Variants in ADARB2 observed in about 807,000 individuals in gnomAD.
ADARB2 encodes the protein inactive double-stranded RNA-specific editase B2.
In ADARB2, 25 loss-of-function variants were observed where a neutral mutation model predicts 62.2. That is an observed-to-expected ratio of 0.40 (90% CI 0.29 to 0.56). The LOEUF (loss-of-function observed/expected upper bound fraction) is 0.56, where lower values mean the gene tolerates loss of function less well. Among genes scored for constraint, ADARB2 ranks in the 20% least tolerant of loss-of-function variants. The probability of loss-of-function intolerance (pLI) is 0.43; values close to 1 mark genes in which losing one functional copy is unlikely to be tolerated. For missense variants in ADARB2, 1,071 were observed against 1,077.4 expected (o/e 0.99, Z 0.08); for synonymous variants, 572 against 500.8 (o/e 1.14, Z -1.90).
In ADARB2 at chr10:1,631,760, C is replaced by T. The variant is rs569463093; in HGVS notation, c.100+105291G>A. Among the ~76,000 whole-genome samples, 3 of 152,140 alleles carry T rather than the reference C, an allele frequency of 2.0e-5. No homozygotes were observed. In the East Asian group the frequency reaches 5.8e-4, roughly 29 times the overall value. ...ATCTAGGAAAATGTGGCTCGGTTCA[C>T]AGTTAGGAAGGAAAATATGTATTTT... On this transcript the variant is annotated intron_variant, in intron 1 of 9. Transcript: ENST00000381312.
At chr10:1,653,766 C>G (rs796086695) in intron 1 of ADARB2, among the ~76,000 whole-genome samples, 1 of 152,238 alleles carries the variant, frequency 6.6e-6, no homozygotes, top group Non-Finnish European at 1.5e-5. Flanking sequence ...GCCATGGACA[C>G]AGTAGACCCT....
rs12241203 is a variant in ADARB2 at position 1,254,959 on chromosome 10, G to A, written c.1193-12660C>T. On this transcript the variant is annotated intron_variant, in intron 4 of 9. Coordinates refer to ENST00000381312, the MANE Select transcript of ADARB2 (RefSeq NM_018702.4). ...TGACTCTGTCCAACTGTGTGAACAC[G>A]CTGTGAAAGCCAGGGTTTCTCAGCC... Among the ~76,000 whole-genome samples, 477 of 152,340 alleles carry A rather than the reference G, an allele frequency of 3.1e-3. 2 individuals are homozygous for A. The highest frequency in any genetic ancestry group is 9.7e-3 in the African/African-American group (405 of 41,586).
intron 1 of ADARB2, among the ~76,000 whole-genome samples, chr10:1,567,080 A>C (rs1832868532): frequency 1.3e-5 from 2 of 152,010 alleles, no homozygotes; most frequent in Non-Finnish European, 1.5e-5. Context: ...AAGTTTAGAG[A>C]GCGAAGGACG....
At chr10:1,594,775 G>A (rs912447898) in intron 1 of ADARB2, among the ~76,000 whole-genome samples, 4 of 152,222 alleles carry the variant, frequency 2.6e-5, no homozygotes, top group Admixed American at 2.0e-4. Context: ...TTCAGCCAGT[G>A]GCATGATATC....
chr10:1,317,702 C>G (rs1052977605), intron 3 of ADARB2, among the ~76,000 whole-genome samples: 1 of 148,722 alleles, frequency 6.7e-6, no homozygotes, highest in East Asian at 2.0e-4. Flanking sequence ...GCTCCGTGCC[C>G]CTGGGTCCCC....
chr10:1,699,455 C>T (rs868008124), intron 1 of ADARB2, among the ~76,000 whole-genome samples: 1 of 32,720 alleles, frequency 3.1e-5, no homozygotes. Context: ...CGCCAATACA[C>T]GCAATCCCAC....
At chr10:1,443,380 G>A (rs543412073) in intron 1 of ADARB2, among the ~76,000 whole-genome samples, 42 of 152,134 alleles carry the variant, frequency 2.8e-4, no homozygotes, top group Middle Eastern at 3.4e-3. Context: ...TTATGCAGGC[G>A]AATTAATTCT....
chr10:1,586,978 G>T (rs1833189030), intron 1 of ADARB2, among the ~76,000 whole-genome samples: 1 of 152,168 alleles, frequency 6.6e-6, no homozygotes, highest in African/African-American at 2.4e-5. Flanking sequence ...CATTGTGCAA[G>T]AATTTATTTC....
At chr10:1,383,257 A>T (rs760302471) in intron 1 of ADARB2, among the ~76,000 whole-genome samples, 1 of 152,034 alleles carries the variant, frequency 6.6e-6, no homozygotes, top group Non-Finnish European at 1.5e-5. Context: ...TCATATTACG[A>T]CCGTTTGGGA....
At position 1,180,843 on chromosome 10, in the gene ADARB2, C is replaced by T. The variant is rs17293692; in HGVS notation, c.*2350G>A. On this transcript the variant is annotated 3_prime_UTR_variant, in exon 10 of 10. Transcript: ENST00000381312. ...TAATACACGAATCCATACACTTGTA[C>T]TAATGGGTAGCATGGAATTAATGTG... The T allele has an allele frequency of 0.29, 43,421 of 152,176 alleles. 6,997 individuals are homozygous for T. Among genetic ancestry groups the T allele is most frequent in the South Asian group, 0.44 (2,133 of 4,816 alleles). 9.4% of individuals were successfully genotyped at this position (152,176 alleles called of 1,614,324 possible).
rs577727387 is a variant in ADARB2 at position 1,244,932 on chromosome 10, C to G, written c.1193-2633G>C. On this transcript the variant is annotated intron_variant, in intron 4 of 9. Coordinates refer to ENST00000381312, the MANE Select transcript of ADARB2 (RefSeq NM_018702.4). ...GTAGGAGATGTGTGTGGGAAAGTGGCGAAGCTTCAAAGGTGGGTGGAAATC... is the reference window on the plus strand; with the variant it reads ...GTAGGAGATGTGTGTGGGAAAGTGGGGAAGCTTCAAAGGTGGGTGGAAATC... 2.6e-5 allele frequency among the ~76,000 whole-genome samples: 4 copies of G among 152,260 alleles called. No homozygotes were observed. In the East Asian group the frequency reaches 7.7e-4, roughly 29 times the overall value.
rs1235013338 is a variant in ADARB2 at position 1,477,201 on chromosome 10, G to A, written c.101-98041C>T. 6.7e-6 allele frequency among the ~76,000 whole-genome samples: 1 copy of A among 150,302 alleles called. No individual in the cohort carries two copies. Among genetic ancestry groups the A allele is most frequent in the Non-Finnish European group, 1.5e-5 (1 of 67,998 alleles). Reference sequence around the variant, plus strand: ...CCATGGCTAACACCACTTCCTTACAGGAGAAGTGACTGCACTGATCAGAAG... The same window carrying A: ...CCATGGCTAACACCACTTCCTTACAAGAGAAGTGACTGCACTGATCAGAAG... On this transcript the variant is annotated intron_variant, in intron 1 of 9. Transcript: ENST00000381312. This position sits in a 1 kb window ranked among gnomAD's most constrained non-coding sequence, Gnocchi z 4.5.
intron 1 of ADARB2, among the ~76,000 whole-genome samples, chr10:1,417,847 G>C (rs752509866): frequency 2.0e-5 from 3 of 152,266 alleles, no homozygotes; most frequent in African/African-American, 7.2e-5. Flanking sequence ...AGCCATGTGC[G>C]TTGAGGCCAC....
chr10:1,486,498 T>A (rs1831544067), intron 1 of ADARB2, among the ~76,000 whole-genome samples: 1 of 152,320 alleles, frequency 6.6e-6, no homozygotes, highest in Admixed American at 6.5e-5. Context: ...ACTGGCTGTG[T>A]CTGGCCAGAG....
intron 3 of ADARB2, among the ~76,000 whole-genome samples, chr10:1,284,136 A>G (rs1413616579): frequency 2.0e-5 from 3 of 152,188 alleles, no homozygotes; most frequent in African/African-American, 7.2e-5. Flanking sequence ...AGGGTCAGAC[A>G]CGATTATACC....
intron 1 of ADARB2, among the ~76,000 whole-genome samples, chr10:1,490,899 G>T (rs997390773): frequency 6.6e-6 from 1 of 152,166 alleles, no homozygotes; most frequent in Non-Finnish European, 1.5e-5. Context: ...CAGCAGATAG[G>T]ATGCCATGTC....
At chr10:1,609,436 G>A (rs144119827) in intron 1 of ADARB2, among the ~76,000 whole-genome samples, 1,770 of 152,320 alleles carry the variant, frequency 0.012, 13 homozygotes, top group Middle Eastern at 0.041. Flanking sequence ...GTCTGCCCCT[G>A]TCTCCTGCTT....
At chr10:1,611,856 C>G (rs1217947242) in intron 1 of ADARB2, among the ~76,000 whole-genome samples, 1 of 152,162 alleles carries the variant, frequency 6.6e-6, no homozygotes, top group African/African-American at 2.4e-5. Flanking sequence ...GATGGACAGA[C>G]AGAGCCCTGG....
At chr10:1,492,560 T>C (rs1025722719) in intron 1 of ADARB2, among the ~76,000 whole-genome samples, 6 of 152,010 alleles carry the variant, frequency 3.9e-5, no homozygotes, top group African/African-American at 1.4e-4. Context: ...AGAGGATGGA[T>C]TTCAGTTGCT....
Sources: gnomAD v4.1 joint callset for allele counts (sites outside exome capture counted in the v4.1 genomes callset) on GRCh38, gnomAD v4.1.1 for gene constraint, Gnocchi (gnomAD v3.1) non-coding constraint, MANE v1.5 for transcripts, NCBI Gene and HGNC (gene_info 2026-07-23, HGNC 2026-07-21) for gene names.